MAN1C1: variants seen among roughly 807,000 people sequenced by gnomAD.
MAN1C1 encodes the protein mannosidase alpha class 1C member 1, also known as mannosyl-oligosaccharide 1,2-alpha-mannosidase IC.
A neutral mutation model predicts 71.5 loss-of-function variants in MAN1C1; 49 were observed. That is an observed-to-expected ratio of 0.69 (90% confidence interval 0.54 to 0.87). MAN1C1 has a LOEUF of 0.87. Among genes scored for constraint, MAN1C1 ranks in the 40% least tolerant of loss-of-function variants. The pLI is 0.00. For missense variants in MAN1C1, 743 were observed against 835.0 expected (o/e 0.89, Z 1.36); for synonymous variants, 352 against 343.7 (o/e 1.02, Z -0.27).
At chr1:25,715,973 C>T (rs1200843610) in intron 2 of MAN1C1, among the ~76,000 whole-genome samples, 2 of 152,204 alleles carry the variant, frequency 1.3e-5, no homozygotes, top group African/African-American at 2.4e-5. Context: ...TACTGGCTTC[C>T]ACCTTACGGT....
chr1:25,701,656 C>T (rs752246378), intron 2 of MAN1C1, among the ~76,000 whole-genome samples: 1 of 152,210 alleles, frequency 6.6e-6, no homozygotes, highest in Non-Finnish European at 1.5e-5. Context: ...AGATGATAAA[C>T]AGCAAAACAG....
Position 25,783,861 on chromosome 1 carries a change from A to C in MAN1C1, c.*72A>C. On this transcript the variant is annotated 3_prime_UTR_variant, in exon 12 of 12. Transcript: ENST00000374332. ...CTTTTCAGGATTTGAGACTGTTCTCAAAGGGATTGGGAACGAAGGCCCCAT... is the reference window on the plus strand; with the variant it reads ...CTTTTCAGGATTTGAGACTGTTCTCCAAGGGATTGGGAACGAAGGCCCCAT... 1.4e-5 allele frequency: 22 copies of C among 1,559,294 alleles called. No homozygotes were observed. The highest frequency in any genetic ancestry group is 2.3e-5 in the South Asian group (2 of 88,160).
intron 1 of MAN1C1, among the ~76,000 whole-genome samples, chr1:25,638,053 A>C (rs1354020023): frequency 6.6e-6 from 1 of 151,952 alleles, no homozygotes; most frequent in African/African-American, 2.4e-5. Context: ...TATTTATATA[A>C]CTGGATCTAA....
At chr1:25,667,295 C>T (rs2045937112) in intron 1 of MAN1C1, among the ~76,000 whole-genome samples, 1 of 151,690 alleles carries the variant, frequency 6.6e-6, no homozygotes, top group Admixed American at 6.6e-5. Context: ...ACCAGCCTGG[C>T]CAACATGGTG....
intron 1 of MAN1C1, among the ~76,000 whole-genome samples, chr1:25,677,419 C>CAA (rs1156403012): frequency 6.6e-6 from 1 of 151,960 alleles, no homozygotes; most frequent in Non-Finnish European, 1.5e-5. Context: ...GGGACACACA[C>CAA]ACACACACAC....
intron 4 of MAN1C1, among the ~76,000 whole-genome samples, chr1:25,752,965 G>T (rs1278082203): frequency 6.6e-6 from 1 of 152,210 alleles, no homozygotes; most frequent in African/African-American, 2.4e-5. Flanking sequence ...CCAGTTCAGT[G>T]CTCTTGACAG....
chr1:25,669,280 G>A (rs1184945115), intron 1 of MAN1C1, among the ~76,000 whole-genome samples: 1 of 152,222 alleles, frequency 6.6e-6, no homozygotes, highest in Non-Finnish European at 1.5e-5. Context: ...CAGACCTAGA[G>A]AAGGTGTATT....
At chr1:25,704,307 GGAGCTGCCTCT>G (rs1330664654) in intron 2 of MAN1C1, among the ~76,000 whole-genome samples, 2 of 152,238 alleles carry the variant, frequency 1.3e-5, no homozygotes, top group Non-Finnish European at 2.9e-5. Context: ...CCTGAAGGCA[GGAGCTGCCTCT>G]GAGCTGCCTC....
rs1396264697 is a variant in MAN1C1, at chr1:25,775,756, C to T, written c.1258-2349C>T. 6.6e-6 allele frequency among the ~76,000 whole-genome samples: 1 copy of T among 152,136 alleles called. No individual in the cohort carries two copies. The highest frequency in any genetic ancestry group is 6.5e-5 in the Admixed American group (1 of 15,284). On this transcript the variant is annotated intron_variant, in intron 8 of 11. Transcript: ENST00000374332. This position sits in a 1 kb window ranked among gnomAD's most constrained non-coding sequence, Gnocchi z 5.1. Reference sequence around the variant, plus strand: ...AGGAGGCGCAGCACCAGCTAAGCCCCGAAGCAGGAAGAAAAATGCAGCTTT... The same window carrying T: ...AGGAGGCGCAGCACCAGCTAAGCCCTGAAGCAGGAAGAAAAATGCAGCTTT...
In MAN1C1 at chr1:25,676,682, A is replaced by G. The variant is rs144496441; in HGVS notation, c.541-9758A>G. Among the ~76,000 whole-genome samples the G allele has an allele frequency of 3.8e-3, 576 of 152,318 alleles. 5 individuals are homozygous for G. The highest frequency in any genetic ancestry group is 0.012 in the African/African-American group (483 of 41,570). On this transcript the variant is annotated intron_variant, in intron 1 of 11. Transcript: ENST00000374332. ...GGTGTCACTGCTGGGAGACGCCAGT[A>G]AGGCTGCACGTCATGGTGTGAGCAC...
At chr1:25,689,453 A>G (rs937382143) in intron 2 of MAN1C1, among the ~76,000 whole-genome samples, 1 of 152,166 alleles carries the variant, frequency 6.6e-6, no homozygotes, top group African/African-American at 2.4e-5. Flanking sequence ...TGCCTGACAA[A>G]TAGAACCTGT....
intron 4 of MAN1C1, among the ~76,000 whole-genome samples, chr1:25,752,884 C>T (rs927901407): frequency 1.3e-5 from 2 of 152,244 alleles, no homozygotes; most frequent in Admixed American, 6.5e-5. Flanking sequence ...CTGTCCACTG[C>T]TCTTACGCAG....
chr1:25,771,820 G>A lies in MAN1C1; in HGVS notation c.1257+48G>A, dbSNP rs764063655. On this transcript the variant is annotated intron_variant, in intron 8 of 11. Transcript: ENST00000374332. ...CACAGGCCGCTGGTCACCAGCCCCCGGCTCTCTCACGGCCGAGCGAGGGTG... is the reference window on the plus strand; with the variant it reads ...CACAGGCCGCTGGTCACCAGCCCCCAGCTCTCTCACGGCCGAGCGAGGGTG... 2.5e-5 allele frequency: 37 copies of A among 1,494,222 alleles called. No homozygotes were observed. In the South Asian group the frequency reaches 3.5e-4, roughly 14 times the overall value. The allele number at this position is 1,494,222 out of a possible 1,614,324, so 92.6% of individuals were successfully genotyped here.
At chr1:25,638,436 C>G (rs2982303) in intron 1 of MAN1C1, among the ~76,000 whole-genome samples, 3,118 of 152,190 alleles carry the variant, frequency 0.02, 111 homozygotes, top group African/African-American at 0.071. Flanking sequence ...AAATTAATAA[C>G]TTAGATTCCT....
At chr1:25,777,914 T>C (rs2047639911) in intron 8 of MAN1C1, among the ~76,000 whole-genome samples, 191 bp from the exon 9 acceptor site, 2 of 152,204 alleles carry the variant, frequency 1.3e-5, no homozygotes. Context: ...TCCCAGCGAA[T>C]AGCAGCCCCT....
intron 1 of MAN1C1, among the ~76,000 whole-genome samples, chr1:25,657,498 A>G (rs1161205745): frequency 6.6e-6 from 1 of 152,180 alleles, no homozygotes; most frequent in Non-Finnish European, 1.5e-5. Flanking sequence ...CCGCACACAG[A>G]AGCAATTTAT....
chr1:25,673,176 C>G (rs898451967), intron 1 of MAN1C1, among the ~76,000 whole-genome samples: 1 of 152,154 alleles, frequency 6.6e-6, no homozygotes, highest in Non-Finnish European at 1.5e-5. Flanking sequence ...AGGATGACAG[C>G]GCTGTCTCCC....
At chr1:25,651,101 C>G (rs1043123217) in intron 1 of MAN1C1, among the ~76,000 whole-genome samples, 1 of 152,146 alleles carries the variant, frequency 6.6e-6, no homozygotes, top group African/African-American at 2.4e-5. Context: ...CAATAGGGGC[C>G]GCTCACCAAC....
chr1:25,636,374 C>T (rs1268418528), intron 1 of MAN1C1, among the ~76,000 whole-genome samples: 1 of 152,110 alleles, frequency 6.6e-6, no homozygotes, highest in Non-Finnish European at 1.5e-5. Flanking sequence ...ACTCCCAGAG[C>T]GGCCGTTTAT....
Sources: allele counts gnomAD v4.1 joint callset (sites outside exome capture counted in the v4.1 genomes callset), GRCh38; gene constraint gnomAD v4.1.1; non-coding constraint Gnocchi (gnomAD v3.1); transcripts MANE v1.5; gene names NCBI Gene and HGNC (gene_info 2026-07-23, HGNC 2026-07-21).